ITGB8: variants seen among roughly 807,000 people sequenced by gnomAD.
The protein encoded by ITGB8 is integrin beta-8.
In ITGB8, 30 loss-of-function variants were observed where a neutral mutation model predicts 89.5. That is an observed-to-expected ratio of 0.34 (90% CI 0.25 to 0.45). ITGB8 has a LOEUF of 0.45. ITGB8 is among the 20% of genes least tolerant of loss of function. ITGB8 has a pLI of 1.00. For missense variants in ITGB8, 836 were observed against 933.3 expected (o/e 0.90, Z 1.36); for synonymous variants, 335 against 320.4 (o/e 1.05, Z -0.49).
At position 20,413,683 on chromosome 7, in the gene ITGB8, G is replaced by A. The variant is rs1787839816; in HGVS notation, c.*3686G>A. The A allele has an allele frequency of 6.6e-6, 1 of 151,868 alleles. No individual in the cohort carries two copies. The highest frequency in any genetic ancestry group is 2.4e-5 in the African/African-American group (1 of 41,374). 9.4% of individuals were successfully genotyped at this position (151,868 alleles called of 1,614,324 possible). A position where few individuals can be genotyped will look rare whatever the true frequency, so the allele number is the denominator to read the frequency against. ...GATCTTAAAGCTCATTTGAGTCTTT[G>A]CCCCTGAACAAAGACAGACCCATTA... On this transcript the variant is annotated 3_prime_UTR_variant, in exon 14 of 14. Coordinates refer to ENST00000222573, the MANE Select transcript of ITGB8 (RefSeq NM_002214.3).
intron 9 of ITGB8, chr7:20,399,203 A>G (rs1787208432): frequency 1.8e-6 from 1 of 553,076 alleles, no homozygotes; most frequent in Non-Finnish European, 3.2e-6. Context: ...AGGTTTTAAT[A>G]TGTATATGTG....
intron 8 of ITGB8, among the ~76,000 whole-genome samples, chr7:20,396,667 G>C (rs1422604280): frequency 2.6e-5 from 4 of 152,138 alleles, no homozygotes; most frequent in Non-Finnish European, 5.9e-5. Context: ...CCCATCAGTA[G>C]TCTGTTCCCA....
At chr7:20,403,956 T>C (rs1054723127) in intron 10 of ITGB8, among the ~76,000 whole-genome samples, 1 of 152,220 alleles carries the variant, frequency 6.6e-6, no homozygotes, top group Non-Finnish European at 1.5e-5. Flanking sequence ...CTATGTTTTC[T>C]TCACCCCACA....
At chr7:20,402,225 T>A (rs1233448454) in intron 10 of ITGB8, 99 bp downstream of exon 10, 3 of 1,056,132 alleles carry the variant, frequency 2.8e-6, no homozygotes, top group Admixed American at 2.7e-5. Context: ...TTAGCAAAAC[T>A]GAATCTGAAT....
At chr7:20,402,252 CA>C in intron 10 of ITGB8, 126 bp downstream of exon 10, 3 of 843,308 alleles carry the variant, frequency 3.6e-6, no homozygotes, top group Non-Finnish European at 5.3e-6. Flanking sequence ...TTCAAAGTTT[CA>C]AAGTCCATGA....
At position 20,363,853 on chromosome 7, in the gene ITGB8, A is replaced by T. The variant is rs138154020; in HGVS notation, c.213+131A>T. ...TACTGCTGAACATAAGGAAAATTTT[A>T]TTTGGTTTTATGCTTGGAAACAGCA... On this transcript the variant is annotated intron_variant, in intron 2 of 13. Transcript: ENST00000222573. The T allele has an allele frequency of 2.2e-4, 103 of 459,232 alleles. 1 individual carries two copies. The highest frequency in any genetic ancestry group is 1.9e-3 in the African/African-American group (97 of 50,194). The allele number at this position is 459,232 out of a possible 1,614,324, so 28.4% of individuals were successfully genotyped here.
intron 1 of ITGB8, among the ~76,000 whole-genome samples, chr7:20,346,043 G>A (rs1784911298): frequency 6.6e-6 from 1 of 152,160 alleles, no homozygotes; most frequent in South Asian, 2.1e-4. Context: ...AACAATTCAG[G>A]ATGGTGGGTG....
intron 3 of ITGB8, among the ~76,000 whole-genome samples, chr7:20,376,954 C>A (rs917358841): frequency 6.6e-6 from 1 of 152,202 alleles, no homozygotes; most frequent in South Asian, 2.1e-4. Flanking sequence ...ACACCCCAAC[C>A]ATTTGGCAGT....
At chr7:20,371,338 A>G (rs573718536) in intron 3 of ITGB8, among the ~76,000 whole-genome samples, 236 of 152,310 alleles carry the variant, frequency 1.5e-3, no homozygotes, top group Middle Eastern at 0.01. Flanking sequence ...TTATCATGCT[A>G]TGGAAAATCC....
chr7:20,331,953 TTTG>T lies in ITGB8; in HGVS notation c.127+23_127+25del, dbSNP rs1436157536. The stretch of plus-strand genomic sequence containing the variant: ...AAGGTGGTAAGTTGTTTTGTTTTGT[TTTG>T]TTTTCTTCTCTTCCCCAAAGGTCTT... On this transcript the variant is annotated intron_variant, in intron 1 of 13. Coordinates refer to ENST00000222573, the MANE Select transcript of ITGB8 (RefSeq NM_002214.3). 1 of 1,612,968 alleles carries T rather than the reference TTTG, an allele frequency of 6.2e-7. No individual in the cohort carries two copies. The highest frequency in any genetic ancestry group is 8.5e-7 in the Non-Finnish European group (1 of 1,179,580).
intron 6 of ITGB8, among the ~76,000 whole-genome samples, chr7:20,387,055 A>G (rs1166218025): frequency 6.6e-6 from 1 of 152,216 alleles, no homozygotes; most frequent in African/African-American, 2.4e-5. Context: ...ATCCAAGAGC[A>G]TATCTTGCCT....
At chr7:20,398,092 A>G (rs1787163013) in intron 8 of ITGB8, among the ~76,000 whole-genome samples, 1 of 152,182 alleles carries the variant, frequency 6.6e-6, no homozygotes. Context: ...ATTGTAATGA[A>G]AGAAATTAGT....
intron 12 of ITGB8, among the ~76,000 whole-genome samples, chr7:20,408,377 CAA>C (rs3032573): frequency 0.1 from 9,796 of 97,156 alleles, 598 homozygotes; most frequent in African/African-American, 0.22. Flanking sequence ...TACCTTATCA[CAA>C]AAAAAAAAAA....
At chr7:20,394,550 A>G (rs1786992116) in intron 7 of ITGB8, among the ~76,000 whole-genome samples, 1 of 152,308 alleles carries the variant, frequency 6.6e-6, no homozygotes, top group South Asian at 2.1e-4. Context: ...TCCCAAGCTC[A>G]TTTGCCCTCA....
At chr7:20,347,155 C>T (rs955064885) in intron 1 of ITGB8, among the ~76,000 whole-genome samples, 1 of 152,152 alleles carries the variant, frequency 6.6e-6, no homozygotes, top group Non-Finnish European at 1.5e-5. Context: ...TTGGACTTGC[C>T]GGATTCCAAA....
chr7:20,395,808 G>A lies in ITGB8; in HGVS notation c.1146+823G>A, dbSNP rs1787050566. Among the ~76,000 whole-genome samples the A allele has an allele frequency of 2.0e-5, 3 of 152,140 alleles. No homozygotes were observed. In the South Asian group the frequency reaches 6.2e-4, roughly 32 times the overall value. ...AGGAAAGTGAAACAAACTTATCAAA[G>A]GTTGTTCAACTAATAAGCAGAAGAA... On this transcript the variant is annotated intron_variant, in intron 8 of 13. Coordinates refer to ENST00000222573, the MANE Select transcript of ITGB8 (RefSeq NM_002214.3).
rs1303463754 is a variant in ITGB8 at position 20,406,149 on chromosome 7, G to C, written c.2001G>C (p.Gln667His). 2 of 1,608,924 alleles carry C rather than the reference G, an allele frequency of 1.2e-6. No homozygotes were observed. Among genetic ancestry groups the C allele is most frequent in the South Asian group, 2.2e-5 (2 of 90,940 alleles). ...CCTCATGTGCTCTCATGGAACAACA[G>C]CATTATGTCGACCAAACTTCAGGTA... Reference protein sequence around the residue: ...CKTSCALMEQQHYVDQTSECF... With the variant: ...CKTSCALMEQHHYVDQTSECF... The change falls in exon 12 of 14, where the codon CAG becomes CAC. Residue 667 changes from glutamine to histidine, a missense_variant. Physicochemically the swap from Gln to His is conservative, Grantham distance 24 (BLOSUM62 0). Around this residue, in one of 5 missense-constraint regions of ITGB8, gnomAD observed 422 missense variants for 416.9 expected, o/e 1.01. Transcript: ENST00000222573.
At chr7:20,392,640 T>C (rs13242959) in intron 7 of ITGB8, among the ~76,000 whole-genome samples, 35,380 of 152,116 alleles carry the variant, frequency 0.23, 5,176 homozygotes, top group Non-Finnish European at 0.32. Flanking sequence ...GCACACATTG[T>C]ACCCATTAAG....
intron 1 of ITGB8, among the ~76,000 whole-genome samples, chr7:20,348,364 G>A (rs989251644): frequency 2.0e-5 from 3 of 152,168 alleles, no homozygotes; most frequent in African/African-American, 7.2e-5. Flanking sequence ...TGCTTAGGAT[G>A]CATCACCCCA....
Sources: allele counts gnomAD v4.1 joint callset (sites outside exome capture counted in the v4.1 genomes callset), GRCh38; gene constraint gnomAD v4.1.1; regional missense constraint gnomAD v4.1.1; transcripts MANE v1.5; gene names NCBI Gene and HGNC (gene_info 2026-07-23, HGNC 2026-07-21).